PHF12: variants seen among roughly 807,000 people sequenced by gnomAD.
The protein encoded by PHF12 is PHD factor 1.
In PHF12, 6 loss-of-function variants were observed where a neutral mutation model predicts 99.8. That is an observed-to-expected ratio of 0.06 (90% CI 0.03 to 0.12). The LOEUF (loss-of-function observed/expected upper bound fraction) is 0.12. Among genes scored for constraint, PHF12 ranks in the 10% least tolerant of loss-of-function variants. The pLI, the probability that PHF12 is intolerant of heterozygous loss-of-function variation, is 1.00. For synonymous variants in PHF12, 480 were observed against 514.9 expected (o/e 0.93, Z 0.92); for missense variants, 954 against 1,300.1 (o/e 0.73, Z 4.09).
At position 28,912,499 on chromosome 17, in the gene PHF12, G is replaced by A. The variant is rs1359309167; in HGVS notation, c.2072C>T (p.Ser691Leu). Reference sequence around the variant, plus strand: ...GCACTCACCTGACGATGGCGCTGGTGAGCTGAATCGTTGGTTGGCTGTTGT... The same window carrying A: ...GCACTCACCTGACGATGGCGCTGGTAAGCTGAATCGTTGGTTGGCTGTTGT... ...LATTANQRFS[S>L]PAPSSDGKVS... Residue 691 changes from serine to leucine, a missense_variant, in exon 9 of 15, where the codon TCA becomes TTA. Ser to Leu is a moderately radical substitution (Grantham distance 145). Coordinates refer to ENST00000332830, the MANE Select transcript of PHF12 (RefSeq NM_001033561.2). 1.1e-5 allele frequency: 18 copies of A among 1,601,700 alleles called. No homozygotes were observed. The highest frequency in any genetic ancestry group is 1.5e-5 in the Non-Finnish European group (18 of 1,171,278).
intron 7 of PHF12, among the ~76,000 whole-genome samples, chr17:28,914,671 CAAA>C (rs61203588): frequency 0.042 from 1,258 of 29,804 alleles, 2 homozygotes; most frequent in African/African-American, 0.12. Context: ...GACTCCGTCT[CAAA>C]AAAAAAAAAA....
In PHF12 at chr17:28,949,861, G is replaced by A. The variant is rs2040778618; in HGVS notation, c.248+204C>T. 6.8e-6 allele frequency: 4 copies of A among 591,500 alleles called. No homozygotes were observed. The highest frequency in any genetic ancestry group is 3.2e-5 in the Admixed American group (1 of 31,698). The allele number at this position is 591,500 out of a possible 1,614,324, so 36.6% of individuals were successfully genotyped here. A position where few individuals can be genotyped will look rare whatever the true frequency, so the allele number is the denominator to read the frequency against. ...CACTCGTCCCAACCCCCACCTCGGGGTCCGGACCCACCGCTGCTCCTCCCC... is the reference window on the plus strand; with the variant it reads ...CACTCGTCCCAACCCCCACCTCGGGATCCGGACCCACCGCTGCTCCTCCCC... On this transcript the variant is annotated intron_variant, in intron 2 of 14. Coordinates refer to ENST00000332830, the MANE Select transcript of PHF12 (RefSeq NM_001033561.2). The surrounding 1 kb of genome is among the most constrained non-coding windows in gnomAD (Gnocchi z 4.6).
Position 28,935,933 on chromosome 17 carries a change from C to A in PHF12, c.249-8870G>T, listed in dbSNP as rs142923770. ...CCCTCAGCTAACTGTAATGCCTATA[C>A]TGACAGATTTCTGTTTCAAAGATTC... On this transcript the variant is annotated intron_variant, in intron 2 of 14. Coordinates refer to ENST00000332830, the MANE Select transcript of PHF12 (RefSeq NM_001033561.2). Among the ~76,000 whole-genome samples, 226 of 152,330 alleles carry A rather than the reference C, an allele frequency of 1.5e-3. 1 individual carries two copies. Among genetic ancestry groups the A allele is most frequent in the African/African-American group, 5.3e-3 (221 of 41,572 alleles).
intron 7 of PHF12, among the ~76,000 whole-genome samples, chr17:28,914,516 T>C (rs180990258): frequency 1.3e-5 from 2 of 151,192 alleles, no homozygotes; most frequent in Non-Finnish European, 3.0e-5. Flanking sequence ...ACTACAAATA[T>C]GAAAAATTAG....
At chr17:28,923,128 T>C (rs997089063) in intron 4 of PHF12, among the ~76,000 whole-genome samples, 8 of 152,066 alleles carry the variant, frequency 5.3e-5, no homozygotes, top group African/African-American at 1.9e-4. Context: ...ACGTGTAGAA[T>C]GGTTTAACTA....
rs950781262 is a variant in PHF12 at position 28,949,309 on chromosome 17, G to A, written c.248+756C>T. On this transcript the variant is annotated intron_variant, in intron 2 of 14. Coordinates refer to ENST00000332830, the MANE Select transcript of PHF12 (RefSeq NM_001033561.2). This position sits in a 1 kb window ranked among gnomAD's most constrained non-coding sequence, Gnocchi z 4.6. ...AAGAGGCAGCGGCGCCGGGAGGGAG[G>A]AGGGAAGAGGGAGGAGGAAGGAAGG... Among the ~76,000 whole-genome samples the A allele has an allele frequency of 2.0e-5, 3 of 152,098 alleles. No individual in the cohort carries two copies. Among genetic ancestry groups the A allele is most frequent in the Non-Finnish European group, 4.4e-5 (3 of 68,000 alleles).
At chr17:28,907,184 C>T (rs1019925323) in intron 13 of PHF12, 190 bp from the exon 14 acceptor site, 3 of 603,888 alleles carry the variant, frequency 5.0e-6, no homozygotes, top group African/African-American at 1.9e-5. Flanking sequence ...CTTCTGGTGT[C>T]CCACACTCCC....
chr17:28,919,307 G>T lies in PHF12; in HGVS notation c.837-32C>A, dbSNP rs542037370. The T allele has an allele frequency of 5.0e-6, 8 of 1,605,356 alleles. 1 individual carries two copies. The South Asian group carries it at 5.5e-5, about 11-fold the overall frequency. ...AAAAGAGATGTTGGCCATTTCTGTG[G>T]CAAGAAAAGGAAAATTCAAACTAAC... On this transcript the variant is annotated intron_variant, in intron 5 of 14. Coordinates refer to ENST00000332830, the MANE Select transcript of PHF12 (RefSeq NM_001033561.2).
At chr17:28,948,521 T>C (rs1365929033) in intron 2 of PHF12, among the ~76,000 whole-genome samples, 1 of 152,220 alleles carries the variant, frequency 6.6e-6, no homozygotes, top group Non-Finnish European at 1.5e-5. Flanking sequence ...TCCCAGCAAT[T>C]TTACAAGCTG....
At chr17:28,943,436 T>C (rs1335304688) in intron 2 of PHF12, among the ~76,000 whole-genome samples, 1 of 152,002 alleles carries the variant, frequency 6.6e-6, no homozygotes, top group Non-Finnish European at 1.5e-5. Context: ...ATGAGACCAG[T>C]CTGACCAACA....
intron 2 of PHF12, among the ~76,000 whole-genome samples, chr17:28,929,549 T>C (rs1217200947): frequency 1.3e-5 from 2 of 152,182 alleles, no homozygotes; most frequent in Non-Finnish European, 2.9e-5. Context: ...CCAGCCAAAC[T>C]TGAGTATCTC....
Position 28,913,175 on chromosome 17 carries a change from T to C in PHF12, c.1396A>G (p.Ile466Val), listed in dbSNP as rs200423955. The C allele has an allele frequency of 2.3e-5, 37 of 1,614,192 alleles. No individual in the cohort carries two copies. In the East Asian group the frequency reaches 7.8e-4, roughly 34 times the overall value. ...CTGTCAGTCACAATAACAGGCTTAA[T>C]ATCAGCCTTCTCTGTCTGTTCAGAG... ...WDSEQTEKAD[I>V]KPVIVTDSSV... is the part of the protein sequence containing the mutation. The change falls in exon 9 of 15, where the codon ATT (isoleucine) becomes GTT (valine). Residue 466 changes from isoleucine to valine, a missense_variant. By Grantham distance (29) the Ile-to-Val change is conservative. Coordinates refer to ENST00000332830, the MANE Select transcript of PHF12 (RefSeq NM_001033561.2).
Position 28,950,921 on chromosome 17 carries a change from A to G in PHF12, c.40T>C (p.Leu14=). 1 of 1,613,986 alleles carries G rather than the reference A, an allele frequency of 6.2e-7. No homozygotes were observed. Among genetic ancestry groups the G allele is most frequent in the Non-Finnish European group, 8.5e-7 (1 of 1,179,914 alleles). ...TCCATCAGCCCCCCTGATGTGTCCAAGTCGTACACGATCGTCTTGGTCTCC... is the reference window on the plus strand; with the variant it reads ...TCCATCAGCCCCCCTGATGTGTCCAGGTCGTACACGATCGTCTTGGTCTCC... ...KMETKTIVYD[L]DTSGGLMEQI... is the part of the protein sequence containing the mutation. The change falls in exon 1 of 15, where the codon TTG becomes CTG. Residue 14 remains leucine (L), a synonymous_variant. Coordinates refer to ENST00000332830, the MANE Select transcript of PHF12 (RefSeq NM_001033561.2). This position sits in a 1 kb window ranked among gnomAD's most constrained non-coding sequence, Gnocchi z 5.7.
intron 2 of PHF12, among the ~76,000 whole-genome samples, chr17:28,930,536 A>G (rs1192220718): frequency 2.6e-5 from 4 of 152,144 alleles, no homozygotes; most frequent in Admixed American, 2.6e-4. Context: ...TCACACATGA[A>G]ATTACTTATG....
In PHF12 at chr17:28,917,292, C is replaced by T. The variant is rs1439723652; in HGVS notation, c.1127G>A (p.Ser376Asn). 6.2e-7 allele frequency: 1 copy of T among 1,613,700 alleles called. No individual in the cohort carries two copies. Among genetic ancestry groups the T allele is most frequent in the East Asian group, 2.2e-5 (1 of 44,878 alleles). ...CACCTGATTGTGACTCACCTTCAAG[C>T]TTCTTCTTTTGACCGACTGGAGCAC... ...RRVLQSVKRR[S>N]LKVPDAIKSQ... The change falls in exon 7 of 15, where the codon AGC becomes AAC. Residue 376 changes from serine to asparagine, a missense_variant. Physicochemically the swap from Ser to Asn is conservative, Grantham distance 46. Coordinates refer to ENST00000332830, the MANE Select transcript of PHF12 (RefSeq NM_001033561.2).
In PHF12 at chr17:28,950,005, G is replaced by A; in HGVS notation, c.248+60C>T. On this transcript the variant is annotated intron_variant, in intron 2 of 14. Transcript: ENST00000332830. The surrounding 1 kb of genome is among the most constrained non-coding windows in gnomAD (Gnocchi z 5.7). ...ATTTCGGCAGTCAGGGGCAGGCCGG[G>A]TGAAGGAATGCGCAGAGAAGGGTCC... 2 of 1,470,990 alleles carry A rather than the reference G, an allele frequency of 1.4e-6. No homozygotes were observed. Among genetic ancestry groups the A allele is most frequent in the Non-Finnish European group, 1.8e-6 (2 of 1,100,752 alleles). The allele number at this position is 1,470,990 out of a possible 1,614,324, so 91.1% of individuals were successfully genotyped here. A position where few individuals can be genotyped will look rare whatever the true frequency, so the allele number is the denominator to read the frequency against.
chr17:28,930,425 T>C (rs997515119), intron 2 of PHF12, among the ~76,000 whole-genome samples: 2 of 152,208 alleles, frequency 1.3e-5, no homozygotes, highest in Non-Finnish European at 2.9e-5. Flanking sequence ...TTTAAAGAAC[T>C]GGGGAACACT....
At chr17:28,910,101 C>T (rs1027507950) in intron 11 of PHF12, 125 bp downstream of exon 11, 4 of 1,382,300 alleles carry the variant, frequency 2.9e-6, no homozygotes, top group East Asian at 2.3e-5. Flanking sequence ...CTTTATTAAG[C>T]CCATGAAAAG....
rs1029061087 is a variant in PHF12 at position 28,949,955 on chromosome 17, C to G, written c.248+110G>C. On this transcript the variant is annotated intron_variant, in intron 2 of 14. Coordinates refer to ENST00000332830, the MANE Select transcript of PHF12 (RefSeq NM_001033561.2). The surrounding 1 kb of genome is among the most constrained non-coding windows in gnomAD (Gnocchi z 4.6). Reference sequence around the variant, plus strand: ...GCTCGCCCCGGCAGCTGCAGAAAGTCAGCTAGCGGCTGCAAGCGCCCGTTA... The same window carrying G: ...GCTCGCCCCGGCAGCTGCAGAAAGTGAGCTAGCGGCTGCAAGCGCCCGTTA... 3.0e-5 allele frequency: 39 copies of G among 1,295,858 alleles called. No individual in the cohort carries two copies. The Middle Eastern group carries it at 1.9e-3, about 65-fold the overall frequency. 80.3% of individuals were successfully genotyped at this position (1,295,858 alleles called of 1,614,324 possible).
Sources: allele counts gnomAD v4.1 joint callset (sites outside exome capture counted in the v4.1 genomes callset), GRCh38; gene constraint gnomAD v4.1.1; non-coding constraint Gnocchi (gnomAD v3.1); transcripts MANE v1.5; gene names NCBI Gene and HGNC (gene_info 2026-07-23, HGNC 2026-07-21).